Variants in GGACT observed in about 807,000 individuals in gnomAD.
GGACT encodes the protein gamma-glutamylamine cyclotransferase.
For missense variants in GGACT, 241 were observed against 233.2 expected, an observed-to-expected ratio of 1.03 and a Z score of -0.22; for synonymous variants, 118 against 115.3, an observed-to-expected ratio of 1.02 and a Z score of -0.15.
At position 100,540,987 on chromosome 13, in the gene GGACT, A is replaced by G. The variant is rs370155380; in HGVS notation, c.-10-8386T>C. ...GTCTTCAACCCTGCCCCCTCTCACC[A>G]TGCTAGTTTTTTGTTTGTTTGTTTG... is the stretch of plus-strand genomic sequence containing the variant. On this transcript the variant is annotated intron_variant, in intron 2 of 2. Transcript: ENST00000683975. Among the ~76,000 whole-genome samples, 22 of 152,172 alleles carry G rather than the reference A, an allele frequency of 1.4e-4. 1 individual carries two copies. The highest frequency in any genetic ancestry group is 1.2e-3 in the East Asian group (6 of 5,200).
chr13:100,560,336 A>G (rs971458007), intron 2 of GGACT, among the ~76,000 whole-genome samples: 2 of 152,220 alleles, frequency 1.3e-5, no homozygotes, highest in African/African-American at 2.4e-5. Flanking sequence ...AAGTCCTTTG[A>G]TCCCCCAGGA....
At chr13:100,540,199 T>G in intron 2 of GGACT, 1 of 1,496,944 alleles carries the variant, frequency 6.7e-7, no homozygotes. Context: ...AGGCTGCACG[T>G]GGCCGCGGCC....
chr13:100,577,433 AT>A (rs1875282561), intron 2 of GGACT, among the ~76,000 whole-genome samples: 4 of 150,592 alleles, frequency 2.7e-5, no homozygotes, highest in African/African-American at 9.7e-5. Context: ...AAATAAATAA[AT>A]AAATAAATAA....
intron 2 of GGACT, among the ~76,000 whole-genome samples, chr13:100,543,030 G>A (rs923334593): frequency 1.3e-5 from 2 of 152,050 alleles, no homozygotes; most frequent in Non-Finnish European, 2.9e-5. Context: ...GAGTGTAAAA[G>A]GCAGGATTTA....
intron 2 of GGACT, among the ~76,000 whole-genome samples, chr13:100,564,218 T>A (rs1275327130): frequency 6.6e-6 from 1 of 152,244 alleles, no homozygotes; most frequent in African/African-American, 2.4e-5. Context: ...GATTACCCTT[T>A]GGGAAAATCA....
At chr13:100,536,507 GTTT>G (rs1003483920) in intron 2 of GGACT, 19 of 131,874 alleles carry the variant, frequency 1.4e-4, no homozygotes, top group African/African-American at 4.8e-4. Flanking sequence ...CTTGTTGTGT[GTTT>G]TTTTTTTCAA....
At chr13:100,543,233 A>T (rs1000555729) in intron 2 of GGACT, among the ~76,000 whole-genome samples, 71 of 79,202 alleles carry the variant, frequency 9.0e-4, no homozygotes, top group African/African-American at 3.9e-3. Flanking sequence ...TTTGAGACGG[A>T]GTGTCGCTCT....
intron 1 of GGACT, among the ~76,000 whole-genome samples, chr13:100,587,914 TACCCGGGAG>T (rs1448778526): frequency 6.6e-6 from 1 of 152,024 alleles, no homozygotes; most frequent in Non-Finnish European, 1.5e-5. Flanking sequence ...TAATCCCAGC[TACCCGGGAG>T]ACTGAGGCAG....
At chr13:100,578,776 T>C (rs993077361) in intron 2 of GGACT, 5 of 152,238 alleles carry the variant, frequency 3.3e-5, no homozygotes, top group Non-Finnish European at 7.3e-5. Context: ...CAGGCAGTTA[T>C]GATTATTTTC....
intron 2 of GGACT, among the ~76,000 whole-genome samples, chr13:100,570,571 T>A (rs1164976463): frequency 6.6e-6 from 1 of 152,266 alleles, no homozygotes; most frequent in Non-Finnish European, 1.5e-5. Context: ...GAGATTTGGG[T>A]GGAGACACAG....
At chr13:100,564,007 G>A (rs1266393025) in intron 2 of GGACT, among the ~76,000 whole-genome samples, 3 of 152,182 alleles carry the variant, frequency 2.0e-5, no homozygotes, top group Non-Finnish European at 4.4e-5. Context: ...GGGCAGTCTC[G>A]GTGCCTGTGG....
intron 2 of GGACT, among the ~76,000 whole-genome samples, chr13:100,572,947 T>A (rs986600665): frequency 3.3e-5 from 5 of 152,190 alleles, no homozygotes; most frequent in African/African-American, 1.2e-4. Flanking sequence ...GAACTTGACA[T>A]CTTTTGCTAT....
intron 1 of GGACT, 186 bp downstream of exon 1, chr13:100,588,555 C>G (rs1015526388): frequency 6.6e-6 from 1 of 152,116 alleles, no homozygotes; most frequent in African/African-American, 2.4e-5. Flanking sequence ...CCCCTCCCTC[C>G]GGCTGGCCTC....
intron 1 of GGACT, among the ~76,000 whole-genome samples, chr13:100,585,645 G>T (rs1282484432): frequency 6.6e-6 from 1 of 151,908 alleles, no homozygotes; most frequent in Non-Finnish European, 1.5e-5. Flanking sequence ...GCATGCGCCT[G>T]TAGTCCCAGC....
intron 2 of GGACT, among the ~76,000 whole-genome samples, chr13:100,580,919 T>G (rs1875397025): frequency 6.6e-6 from 1 of 152,186 alleles, no homozygotes; most frequent in African/African-American, 2.4e-5. Flanking sequence ...GAGATGGCAA[T>G]TCCAACACTG....
chr13:100,553,046 G>T (rs918613859), intron 2 of GGACT, among the ~76,000 whole-genome samples: 3 of 152,318 alleles, frequency 2.0e-5, no homozygotes, highest in African/African-American at 7.2e-5. Flanking sequence ...GGAACAGAAA[G>T]CATGCCAGCA....
chr13:100,553,252 G>A (rs975628359), intron 2 of GGACT, among the ~76,000 whole-genome samples: 2 of 152,174 alleles, frequency 1.3e-5, no homozygotes, highest in African/African-American at 2.4e-5. Context: ...CTGAGCCTGT[G>A]TGTCCCCAAG....
At position 100,534,245 on chromosome 13, in the gene GGACT, A is replaced by G. The variant is rs2088458232; in HGVS notation, c.-10-1644T>C. 6.6e-6 allele frequency among the ~76,000 whole-genome samples: 1 copy of G among 152,236 alleles called. No homozygotes were observed. The highest frequency in any genetic ancestry group is 2.1e-4 in the South Asian group (1 of 4,828). ...GATTTCAGGCACATTGCACTAGGAA[A>G]GGTGTGGCCGTGGGAAAAACACAAG... On this transcript the variant is annotated intron_variant, in intron 2 of 2. Coordinates refer to ENST00000683975, the MANE Select transcript of GGACT (RefSeq NM_001195087.2). This position sits in a 1 kb window ranked among gnomAD's most constrained non-coding sequence, Gnocchi z 4.9.
intron 1 of GGACT, among the ~76,000 whole-genome samples, chr13:100,585,180 A>T (rs1875529859): frequency 6.6e-6 from 1 of 152,228 alleles, no homozygotes; most frequent in Admixed American, 6.5e-5. Context: ...TCAACCAAGT[A>T]ACATCGACAG....
Sources: gnomAD v4.1 joint callset for allele counts (sites outside exome capture counted in the v4.1 genomes callset) on GRCh38, gnomAD v4.1.1 for gene constraint, Gnocchi (gnomAD v3.1) non-coding constraint, MANE v1.5 for transcripts, NCBI Gene and HGNC (gene_info 2026-07-23, HGNC 2026-07-21) for gene names.